The following KLF12 variants were observed in gnomAD, a reference collection of about 807,000 sequenced individuals.
KLF12 encodes KLF transcription factor 12.
A neutral mutation model predicts 37.8 loss-of-function variants in KLF12; 9 were observed. That is an observed-to-expected ratio of 0.24 (90% confidence interval 0.14 to 0.42). The LOEUF (loss-of-function observed/expected upper bound fraction) is 0.42. Ranked by LOEUF, KLF12 falls within the 10% of genes least tolerant of loss-of-function variation. The pLI is 1.00. For missense variants in KLF12, 411 were observed against 516.0 expected (o/e 0.80, Z 1.97); for synonymous variants, 208 against 202.1 (o/e 1.03, Z -0.25).
chr13:73,844,780 C>G, intron 4 of KLF12: 1 of 152,136 alleles, frequency 6.6e-6, no homozygotes, highest in Non-Finnish European at 1.5e-5. Context: ...ACTCATCGAT[C>G]ATATTTTAAT....
rs371474102 is a variant in KLF12, at chr13:73,971,847, C to G, written c.33+23143G>C. Among the ~76,000 whole-genome samples, 43 of 152,294 alleles carry G rather than the reference C, an allele frequency of 2.8e-4. No homozygotes were observed. The South Asian group carries it at 8.9e-3, about 32-fold the overall frequency. ...AAGTTCAAGACCACCCTGGGCAACA[C>G]AGCAAGACCCCATTTCATTTATCAA... On this transcript the variant is annotated intron_variant, in intron 2 of 7. Transcript: ENST00000377669.
Position 74,031,902 on chromosome 13 carries a change from A to AT in KLF12, c.-31-36850dup, listed in dbSNP as rs1186599086. ...GGGCTAAGCAACTAATTAGGTCTTC[A>AT]TCTTCCTCTCTCTATTAATTATTTT... On this transcript the variant is annotated intron_variant, in intron 1 of 7. Coordinates refer to ENST00000377669, the MANE Select transcript of KLF12 (RefSeq NM_007249.5). Among the ~76,000 whole-genome samples, 5 of 152,286 alleles carry AT rather than the reference A, an allele frequency of 3.3e-5. 1 individual carries two copies. The highest frequency in any genetic ancestry group is 1.2e-4 in the African/African-American group (5 of 41,568).
At chr13:73,807,410 T>C (rs1255903661) in intron 5 of KLF12, among the ~76,000 whole-genome samples, 1 of 152,120 alleles carries the variant, frequency 6.6e-6, no homozygotes, top group African/African-American at 2.4e-5. Context: ...TAAAGAGCAT[T>C]TATGTAAAAA....
chr13:74,097,466 T>C (rs1177273770), intron 1 of KLF12, among the ~76,000 whole-genome samples: 1 of 152,152 alleles, frequency 6.6e-6, no homozygotes, highest in Non-Finnish European at 1.5e-5. Flanking sequence ...CACACTTGAC[T>C]ACAGAGTTTA....
intron 2 of KLF12, among the ~76,000 whole-genome samples, chr13:73,986,280 T>C (rs565584545): frequency 6.6e-6 from 1 of 152,332 alleles, no homozygotes; most frequent in South Asian, 2.1e-4. Context: ...ATTAGATTTT[T>C]TATAATGGGA....
intron 6 of KLF12, among the ~76,000 whole-genome samples, chr13:73,759,975 C>T (rs1420985437): frequency 1.3e-5 from 2 of 152,042 alleles, no homozygotes; most frequent in Non-Finnish European, 2.9e-5. Flanking sequence ...AAAAAGATTC[C>T]ATGAAGTCAT....
chr13:73,889,361 C>T lies in KLF12; in HGVS notation c.124-42988G>A, dbSNP rs1330023756. 3.9e-5 allele frequency among the ~76,000 whole-genome samples: 6 copies of T among 152,156 alleles called. No homozygotes were observed. In the East Asian group the frequency reaches 9.6e-4, roughly 24 times the overall value. On this transcript the variant is annotated intron_variant, in intron 3 of 7. Transcript: ENST00000377669. ...AGCACTAGGGTCTAAGTTCAAATTA[C>T]ACTAAGTAGTATTCATCATACTGTC... is the stretch of plus-strand genomic sequence containing the variant.
chr13:73,858,485 C>T (rs375536258), intron 3 of KLF12, among the ~76,000 whole-genome samples: 26 of 152,114 alleles, frequency 1.7e-4, no homozygotes, highest in Admixed American at 3.3e-4. Flanking sequence ...GCTGCATTAC[C>T]GGGTGATTTA....
At position 73,996,098 on chromosome 13, in the gene KLF12, T is replaced by C. The variant is rs922109763; in HGVS notation, c.-31-1045A>G. Among the ~76,000 whole-genome samples the C allele has an allele frequency of 3.3e-5, 5 of 152,324 alleles. No homozygotes were observed. The South Asian group carries it at 8.3e-4, about 25-fold the overall frequency. ...AATGCAGCAGAGTTCACAAGCTCCATAGGCTTGACCAGTGAAGGAAACTGG... is the reference window on the plus strand; with the variant it reads ...AATGCAGCAGAGTTCACAAGCTCCACAGGCTTGACCAGTGAAGGAAACTGG... On this transcript the variant is annotated intron_variant, in intron 1 of 7. Coordinates refer to ENST00000377669, the MANE Select transcript of KLF12 (RefSeq NM_007249.5).
chr13:74,263,774 C>T, the KLF12 span, among the ~76,000 whole-genome samples: 1,340 of 152,298 alleles, frequency 8.8e-3, 17 homozygotes, highest in African/African-American at 0.031. Context: ...GTCTATCCCA[C>T]CACCTCAGGT....
chr13:73,934,555 CT>C (rs1889837731), intron 3 of KLF12, among the ~76,000 whole-genome samples: 1 of 152,066 alleles, frequency 6.6e-6, no homozygotes, highest in African/African-American at 2.4e-5. Context: ...CCTGCAATTT[CT>C]TTCTTCTTTC....
In KLF12 at chr13:73,688,352, GA is replaced by G; in HGVS notation, c.*7137del. 1 of 152,376 alleles carries G rather than the reference GA, an allele frequency of 6.6e-6. No homozygotes were observed. Among genetic ancestry groups the G allele is most frequent in the East Asian group, 1.9e-4 (1 of 5,188 alleles). 9.4% of individuals were successfully genotyped at this position (152,376 alleles called of 1,614,324 possible). A position where few individuals can be genotyped will look rare whatever the true frequency, so the allele number is the denominator to read the frequency against. ...AACAGAGCTGTTAAGTGAGAACTCTGAAAAAGAATTATCCATTATCTCTCCT... is the reference window on the plus strand; with the variant it reads ...AACAGAGCTGTTAAGTGAGAACTCTGAAAAGAATTATCCATTATCTCTCCT... On this transcript the variant is annotated 3_prime_UTR_variant, in exon 8 of 8. Coordinates refer to ENST00000377669, the MANE Select transcript of KLF12 (RefSeq NM_007249.5).
the KLF12 span, among the ~76,000 whole-genome samples, chr13:74,271,406 C>A: frequency 6.6e-6 from 1 of 152,182 alleles, no homozygotes; most frequent in East Asian, 1.9e-4. Context: ...AATTTTCTCT[C>A]CTTCCTTAAG....
chr13:73,704,976 A>G (rs1249770251), intron 7 of KLF12, among the ~76,000 whole-genome samples: 2 of 152,236 alleles, frequency 1.3e-5, no homozygotes, highest in Non-Finnish European at 2.9e-5. Context: ...AAGAGAGTAC[A>G]CTGTTTACAT....
rs73529589 is a variant in KLF12 at position 73,753,133 on chromosome 13, T to G, written c.869+11805A>C. On this transcript the variant is annotated intron_variant, in intron 6 of 7. Transcript: ENST00000377669. Reference sequence around the variant, plus strand: ...ATAAGACTCCACCACTTCACTCTCCTGCTCAAAGTCATCCGCGGTCCCCGT... The same window carrying G: ...ATAAGACTCCACCACTTCACTCTCCGGCTCAAAGTCATCCGCGGTCCCCGT... Among the ~76,000 whole-genome samples the G allele has an allele frequency of 9.8e-3, 1,486 of 152,174 alleles. 24 individuals are homozygous for G. The highest frequency in any genetic ancestry group is 0.034 in the African/African-American group (1,404 of 41,510).
At chr13:74,214,196 T>C in the KLF12 span, among the ~76,000 whole-genome samples, 1 of 152,198 alleles carries the variant, frequency 6.6e-6, no homozygotes, top group East Asian at 1.9e-4. Flanking sequence ...TTTTGAATCT[T>C]AGTTTCCCCA....
At chr13:74,200,196 G>A in the KLF12 span, among the ~76,000 whole-genome samples, 2 of 151,858 alleles carry the variant, frequency 1.3e-5, no homozygotes, top group South Asian at 2.1e-4. Context: ...GCTCAGGGGG[G>A]GGGTTTCCTG....
the KLF12 span, among the ~76,000 whole-genome samples, chr13:74,167,845 T>C: frequency 1.5e-4 from 23 of 152,346 alleles, no homozygotes; most frequent in Non-Finnish European, 2.6e-4. Flanking sequence ...CTTGTTAATT[T>C]ACTTAATACA....
At chr13:73,762,803 T>C (rs1240128428) in intron 6 of KLF12, among the ~76,000 whole-genome samples, 2 of 152,188 alleles carry the variant, frequency 1.3e-5, no homozygotes, top group Admixed American at 6.5e-5. Flanking sequence ...CAAGTGTTTA[T>C]CACTTTACTA....
Sources: allele counts gnomAD v4.1 joint callset (sites outside exome capture counted in the v4.1 genomes callset), GRCh38; gene constraint gnomAD v4.1.1; transcripts MANE v1.5; gene names NCBI Gene and HGNC (gene_info 2026-07-23, HGNC 2026-07-21).